Variants in LOC400499 observed in about 807,000 individuals in gnomAD.
chr16:11,493,280 A>G, the LOC400499 span, among the ~76,000 whole-genome samples: 4 of 152,172 alleles, frequency 2.6e-5, no homozygotes, highest in African/African-American at 4.8e-5. Context: ...CTGCAGGTGG[A>G]GCAGGAAAGC....
the LOC400499 span, chr16:11,462,169 C>G: frequency 1.3e-6 from 2 of 1,533,774 alleles, no homozygotes; most frequent in African/African-American, 2.7e-5. Context: ...CGGAGAAGGC[C>G]AGCTTGCTGC....
the LOC400499 span, among the ~76,000 whole-genome samples, chr16:11,467,441 T>G: frequency 6.9e-6 from 1 of 144,782 alleles, no homozygotes; most frequent in Non-Finnish European, 1.5e-5. Flanking sequence ...GAGACCCCAT[T>G]TGTACAAAAA....
At chr16:11,464,708 AGTTCCGGCT>A in the LOC400499 span, among the ~76,000 whole-genome samples, 1 of 152,188 alleles carries the variant, frequency 6.6e-6, no homozygotes, top group Non-Finnish European at 1.5e-5. Flanking sequence ...AAAGTTCCGG[AGTTCCGGCT>A]GTTACTGTAA....
the LOC400499 span, chr16:11,439,497 T>C: frequency 3.8e-4 from 151 of 398,860 alleles, no homozygotes; most frequent in African/African-American, 2.5e-3. Flanking sequence ...ACCTGGAAGT[T>C]TGGAGGAAAT....
At chr16:11,425,337 G>A in the LOC400499 span, 2 of 399,226 alleles carry the variant, frequency 5.0e-6, no homozygotes, top group African/African-American at 2.1e-5. Flanking sequence ...AAGGACACAG[G>A]TCACGCTGCG....
chr16:11,413,743 C>T, the LOC400499 span, among the ~76,000 whole-genome samples: 2,771 of 152,280 alleles, frequency 0.018, 77 homozygotes, highest in African/African-American at 0.064. Context: ...TCTTTGCCTT[C>T]ATCACAGCAG....
At chr16:11,471,725 C>T in the LOC400499 span, 4 of 399,254 alleles carry the variant, frequency 1.0e-5, no homozygotes, top group African/African-American at 2.1e-5. Flanking sequence ...TGCAGCGTCA[C>T]GGCCGCGAAC....
At chr16:11,523,550 C>T in the LOC400499 span, 9 of 397,786 alleles carry the variant, frequency 2.3e-5, no homozygotes, top group Non-Finnish European at 3.5e-5. Context: ...GGGCCACTGA[C>T]CTTACTCTGG....
the LOC400499 span, among the ~76,000 whole-genome samples, chr16:11,485,688 G>A: frequency 1.3e-5 from 2 of 151,876 alleles, no homozygotes; most frequent in Non-Finnish European, 2.9e-5. Context: ...CCATCCATCT[G>A]CTTTTCCTTT....
the LOC400499 span, among the ~76,000 whole-genome samples, chr16:11,490,567 G>A: frequency 6.6e-6 from 1 of 152,080 alleles, no homozygotes; most frequent in Non-Finnish European, 1.5e-5. Context: ...TGGGCGAGGT[G>A]GTGGCCACCT....
the LOC400499 span, among the ~76,000 whole-genome samples, chr16:11,512,533 G>A: frequency 6.6e-6 from 1 of 151,956 alleles, no homozygotes; most frequent in African/African-American, 2.4e-5. Context: ...ACCTGGGAGA[G>A]GAGGTTGCAG....
the LOC400499 span, chr16:11,440,656 G>T: frequency 2.5e-6 from 1 of 398,394 alleles, no homozygotes; most frequent in Non-Finnish European, 4.4e-6. Flanking sequence ...TCTCATACAG[G>T]GCACCTTCAC....
the LOC400499 span, among the ~76,000 whole-genome samples, chr16:11,394,458 G>A: frequency 6.6e-6 from 1 of 152,222 alleles, no homozygotes; most frequent in Admixed American, 6.5e-5. Flanking sequence ...TCCAAGATCT[G>A]TAAAATGATA....
chr16:11,510,235 G>T, the LOC400499 span, among the ~76,000 whole-genome samples: 1 of 151,582 alleles, frequency 6.6e-6, no homozygotes, highest in Non-Finnish European at 1.5e-5. Context: ...GTGCCTTCTA[G>T]ATGCTGTCCA....
chr16:11,431,785 C>T, the LOC400499 span, among the ~76,000 whole-genome samples: 6 of 152,190 alleles, frequency 3.9e-5, no homozygotes, highest in South Asian at 6.2e-4. Flanking sequence ...GCCAGCTCTT[C>T]CCATACTCTC....
chr16:11,399,522 G>A, the LOC400499 span: 282 of 398,786 alleles, frequency 7.1e-4, no homozygotes, highest in African/African-American at 5.1e-3. Context: ...GACACGTTGA[G>A]CTGTTCAACG....
the LOC400499 span, chr16:11,516,168 C>T: frequency 2.5e-6 from 1 of 399,802 alleles, no homozygotes; most frequent in East Asian, 3.6e-5. Flanking sequence ...GGGCTGTGGG[C>T]CCCTGGGTGG....
At chr16:11,459,458 A>C in the LOC400499 span, among the ~76,000 whole-genome samples, 3 of 152,026 alleles carry the variant, frequency 2.0e-5, no homozygotes, top group African/African-American at 7.2e-5. Context: ...GGCCTCCCAA[A>C]GTGCTGGGAT....
At chr16:11,395,311 C>A in the LOC400499 span, among the ~76,000 whole-genome samples, 2 of 152,226 alleles carry the variant, frequency 1.3e-5, no homozygotes, top group African/African-American at 4.8e-5. Flanking sequence ...GACCACTCCA[C>A]AGACCCCAGA....
Sources: allele counts gnomAD v4.1 joint callset (sites outside exome capture counted in the v4.1 genomes callset), GRCh38; gene constraint gnomAD v4.1.1; transcripts MANE v1.5.